The following RPAP1 variants were observed in gnomAD, a reference collection of about 807,000 sequenced individuals.
The protein encoded by RPAP1 is RNA polymerase II associated protein 1, also known as RNA polymerase II-associated protein 1.
Under a neutral mutation model 142.4 loss-of-function variants are expected in RPAP1, and 109 were observed. That is an observed-to-expected ratio of 0.77 (90% confidence interval 0.66 to 0.90). RPAP1 has a LOEUF of 0.90. RPAP1 is among the 40% of genes least tolerant of loss of function. The pLI is 0.00. For synonymous variants in RPAP1, 704 were observed against 738.9 expected, an observed-to-expected ratio of 0.95 and a Z score of 0.77; for missense variants, 1,546 against 1,751.7, an observed-to-expected ratio of 0.88 and a Z score of 2.10.
rs137979437 is a variant in RPAP1, at chr15:41,527,574, T to C, written c.1460A>G (p.His487Arg). The C allele has an allele frequency of 1.2e-4, 197 of 1,613,934 alleles. No individual in the cohort carries two copies. Among genetic ancestry groups the C allele is most frequent in the African/African-American group, 2.7e-4 (20 of 74,982 alleles). The change falls in exon 12 of 25, where the codon CAT (histidine) becomes CGT (arginine). Residue 487 changes from histidine to arginine, a missense_variant. By Grantham distance (29) the His-to-Arg change is conservative (BLOSUM62 0). Around this residue, in one of 3 missense-constraint regions of RPAP1, gnomAD observed 1,333 missense variants for 1,486.6 expected, o/e 0.90. Coordinates refer to ENST00000304330, the MANE Select transcript of RPAP1 (RefSeq NM_015540.4). ...CATCAGAGGGAACGTCAAAGCTCCA[T>C]GGTACCAAGAGAAGGTGCTGTCGAG... ...ELLDSTFSWYHGALTFPLMPS... is the reference protein window; with the variant it reads ...ELLDSTFSWYRGALTFPLMPS...
In RPAP1 at chr15:41,526,980, C is replaced by G. The variant is rs780505469; in HGVS notation, c.1835G>C (p.Ser612Thr). The G allele has an allele frequency of 6.2e-7, 1 of 1,614,216 alleles. No individual in the cohort carries two copies. The highest frequency in any genetic ancestry group is 1.1e-5 in the South Asian group (1 of 91,082). The stretch of plus-strand genomic sequence containing the variant: ...AGTAGCACAGGGTACTTTGTATAGA[C>G]TAGGGGTAGGCCCTGCCCCCACAGG... ...WSPVGAGPTPSLYKVPCATAM... is the reference protein window; with the variant it reads ...WSPVGAGPTPTLYKVPCATAM... Residue 612 changes from serine (S) to threonine (T), a missense_variant, in exon 14 of 25, where the codon AGT becomes ACT. Ser to Thr is a moderately conservative substitution (Grantham distance 58). Transcript: ENST00000304330.
rs376121881 is a variant in RPAP1 at position 41,523,754 on chromosome 15, C to A, written c.2436+17G>T. ...AGGGTGCGGGGGCCTGGTGGACAGC[C>A]GGCAGGAGGCACTCACTTGCTGGCT... On this transcript the variant is annotated intron_variant, in intron 17 of 24. Transcript: ENST00000304330. The A allele has an allele frequency of 1.3e-6, 2 of 1,575,784 alleles. No individual in the cohort carries two copies. The highest frequency in any genetic ancestry group is 1.3e-5 in the African/African-American group (1 of 74,124).
In RPAP1 at chr15:41,534,700, C is replaced by A. The variant is rs1190341799; in HGVS notation, c.763+14G>T. On this transcript the variant is annotated intron_variant, in intron 6 of 24. Coordinates refer to ENST00000304330, the MANE Select transcript of RPAP1 (RefSeq NM_015540.4). The stretch of plus-strand genomic sequence containing the variant: ...TCCTAGCCTGGTCTCAGCAGGAAAG[C>A]CAGGCACCCATACCAAGCTGGGCCA... 6.2e-7 allele frequency: 1 copy of A among 1,609,910 alleles called. No individual in the cohort carries two copies. The highest frequency in any genetic ancestry group is 1.1e-5 in the South Asian group (1 of 90,946).
chr15:41,529,720 G>A (rs1440972358), intron 8 of RPAP1, 144 bp downstream of exon 8: 2 of 837,572 alleles, frequency 2.4e-6, no homozygotes, highest in Non-Finnish European at 3.8e-6. Flanking sequence ...GCCAGGCAGA[G>A]TGATGGTAAA....
chr15:41,524,358 TGAG>T, intron 15 of RPAP1, 104 bp from the exon 16 acceptor site: 1 of 1,036,878 alleles, frequency 9.6e-7, no homozygotes, highest in Non-Finnish European at 1.3e-6. Flanking sequence ...TAAAGGAGGA[TGAG>T]GAGGAAGAGT....
Position 41,527,534 on chromosome 15 carries a change from G to A in RPAP1, c.1500C>T (p.Asp500=). 1.9e-6 allele frequency: 3 copies of A among 1,614,078 alleles called. No homozygotes were observed. The African/African-American group carries it at 4.0e-5, about 22-fold the overall frequency. Residue 500 remains aspartate (D), a synonymous_variant, in exon 12 of 25, where the codon GAC becomes GAT. Transcript: ENST00000304330. ...LTFPLMPSQE[D]KEDEDEDEEC... ...CTTCATCCTCGTCCTCATCCTCCTTGTCCTCCTGGCTGGGCATCAGAGGGA... is the reference window on the plus strand; with the variant it reads ...CTTCATCCTCGTCCTCATCCTCCTTATCCTCCTGGCTGGGCATCAGAGGGA...
chr15:41,535,204 C>A (rs2051895036), intron 5 of RPAP1, among the ~76,000 whole-genome samples: 1 of 152,148 alleles, frequency 6.6e-6, no homozygotes, highest in African/African-American at 2.4e-5. Flanking sequence ...TAGCCAGGGG[C>A]CTGCTCCCAG....
At position 41,523,945 on chromosome 15, in the gene RPAP1, G is replaced by T. The variant is rs1293958681; in HGVS notation, c.2262C>A (p.Ala754=). The change falls in exon 17 of 25, where the codon GCC becomes GCA. Residue 754 remains alanine, a synonymous_variant. Transcript: ENST00000304330. Reference sequence around the variant, plus strand: ...GTGTCCAAGTGACTAAGGAAGGGGTGGCCGAGAGGCTGGCCTCAGCAGAAT... The same window carrying T: ...GTGTCCAAGTGACTAAGGAAGGGGTTGCCGAGAGGCTGGCCTCAGCAGAAT... The part of the protein sequence containing the change: ...ISDSAEASLS[A]TPSLVTWTQV... 2.5e-6 allele frequency: 4 copies of T among 1,611,470 alleles called. No homozygotes were observed. The highest frequency in any genetic ancestry group is 2.5e-6 in the Non-Finnish European group (3 of 1,178,848).
rs1309700510 is a variant in RPAP1, at chr15:41,518,075, G to A, written c.3903C>T (p.Cys1301=). The change falls in exon 23 of 25, where the codon TGC becomes TGT. Residue 1301 remains cysteine, a synonymous_variant. Transcript: ENST00000304330. ...CCACAGCCACAGCATAGAGCACGGG[G>A]CACCAACGTGGGCGGAGCGCACCAG... ...LVTGALRPRW[C]PVLYAVAVAH... 6.2e-7 allele frequency: 1 copy of A among 1,612,106 alleles called. No homozygotes were observed. The highest frequency in any genetic ancestry group is 1.1e-5 in the South Asian group (1 of 90,738).
At position 41,520,442 on chromosome 15, in the gene RPAP1, G is replaced by A; in HGVS notation, c.3744C>T (p.Leu1248=). 1.2e-6 allele frequency: 2 copies of A among 1,613,804 alleles called. No homozygotes were observed. Among genetic ancestry groups the A allele is most frequent in the Non-Finnish European group, 1.7e-6 (2 of 1,179,748 alleles). The part of the protein sequence containing the change: ...RRFSVTLRLA[L]FGEHVGALRA... Reference sequence around the variant, plus strand: ...GCAAGGCTCCCACGTGTTCCCCAAAGAGGGCAAGGCGCAAGGTGACACTGA... The same window carrying A: ...GCAAGGCTCCCACGTGTTCCCCAAAAAGGGCAAGGCGCAAGGTGACACTGA... The change falls in exon 22 of 25, where the codon CTC becomes CTT. Residue 1248 remains leucine, a synonymous_variant. Transcript: ENST00000304330.
rs1417637721 is a variant in RPAP1 at position 41,535,501 on chromosome 15, C to T, written c.541+11G>A. 6.3e-7 allele frequency: 1 copy of T among 1,595,966 alleles called. No homozygotes were observed. The highest frequency in any genetic ancestry group is 1.1e-5 in the South Asian group (1 of 87,860). ...AAAGGCCAAGCCCAATCCTCTTCAACCCCGGCTCACCCTCTGGTGGGCCCA... is the reference window on the plus strand; with the variant it reads ...AAAGGCCAAGCCCAATCCTCTTCAATCCCGGCTCACCCTCTGGTGGGCCCA... On this transcript the variant is annotated intron_variant, in intron 5 of 24. Transcript: ENST00000304330.
In RPAP1 at chr15:41,518,156, T is replaced by G. The variant is rs937975123; in HGVS notation, c.3822A>C (p.Thr1274=). The change falls in exon 23 of 25, where the codon ACA becomes ACC. Residue 1274 remains threonine, a synonymous_variant. Transcript: ENST00000304330. ...TQLPVSLECY[T]VPPEDNLALL... is the part of the protein sequence containing the mutation. ...GGGCCAGGTTGTCTTCAGGAGGCAC[T>G]GTGTAACACTCCAGGGACACAGGCA... The G allele has an allele frequency of 6.3e-7, 1 of 1,580,526 alleles. No homozygotes were observed. The highest frequency in any genetic ancestry group is 2.0e-5 in the Admixed American group (1 of 48,892).
intron 6 of RPAP1, among the ~76,000 whole-genome samples, chr15:41,531,580 AATTT>A (rs1306243004): frequency 7.1e-6 from 1 of 140,876 alleles, no homozygotes; most frequent in African/African-American, 2.6e-5. Context: ...TCTCTTAGCT[AATTT>A]ATTTATGCAC....
At chr15:41,536,268 A>G (rs910819782) in intron 3 of RPAP1, 50 bp from the exon 4 acceptor site, 1 of 1,552,940 alleles carries the variant, frequency 6.4e-7, no homozygotes, top group African/African-American at 1.4e-5. Flanking sequence ...AAACTTCCCC[A>G]GGCTGGACCC....
At chr15:41,520,312 A>G (rs759637403) in intron 22 of RPAP1, 79 bp downstream of exon 22, 2 of 1,514,260 alleles carry the variant, frequency 1.3e-6, no homozygotes, top group South Asian at 2.3e-5. Flanking sequence ...GAGGTCTTCC[A>G]AAGCTCCTCA....
At chr15:41,527,389 G>A (rs775940128) in intron 12 of RPAP1, 34 bp downstream of exon 12, 14 of 1,613,412 alleles carry the variant, frequency 8.7e-6, no homozygotes, top group Non-Finnish European at 8.5e-6. Context: ...CTTGTCCCCT[G>A]GGCCATGGGA....
At position 41,525,038 on chromosome 15, in the gene RPAP1, A is replaced by G. The variant is rs1423803774; in HGVS notation, c.2028T>C (p.Arg676=). 2.5e-6 allele frequency: 4 copies of G among 1,613,974 alleles called. No individual in the cohort carries two copies. Among genetic ancestry groups the G allele is most frequent in the East Asian group, 2.2e-5 (1 of 44,862 alleles). ...CATAGGAGGCAGCCACAGCCCACAG[A>G]CGGAGGGCCTCGGTGCTCAGCATCT... ...EAEMLSTEAL[R]LWAVAASYGQ... is the part of the protein sequence containing the mutation. The change falls in exon 15 of 25, where the codon CGT becomes CGC. Residue 676 remains arginine (R), a synonymous_variant. Transcript: ENST00000304330.
chr15:41,541,992 C>T (rs866284757), intron 1 of RPAP1, among the ~76,000 whole-genome samples: 6 of 152,262 alleles, frequency 3.9e-5, no homozygotes, highest in Admixed American at 3.9e-4. Context: ...AATGGTGAAA[C>T]AATCACATGA....
At chr15:41,531,625 A>AT (rs2051851154) in intron 6 of RPAP1, among the ~76,000 whole-genome samples, 8 of 15,296 alleles carry the variant, frequency 5.2e-4, no homozygotes, top group African/African-American at 2.6e-3. Flanking sequence ...ATATATATAT[A>AT]TATTTTTTTT....
Sources: gnomAD v4.1 joint callset for allele counts (sites outside exome capture counted in the v4.1 genomes callset) on GRCh38, gnomAD v4.1.1 for gene constraint, gnomAD v4.1.1 regional missense constraint, MANE v1.5 for transcripts, NCBI Gene and HGNC (gene_info 2026-07-23, HGNC 2026-07-21) for gene names.